The following DYTN variants were observed in gnomAD, a reference collection of about 807,000 sequenced individuals.
DYTN encodes the protein dystrotelin.
Under a neutral mutation model 69.6 loss-of-function variants are expected in DYTN, and 75 were observed. The observed-to-expected ratio is 1.08, with a 90% CI of 0.89 to 1.31. The LOEUF (loss-of-function observed/expected upper bound fraction) is 1.31. Ranked by LOEUF, DYTN falls within the 50% of genes most tolerant of loss-of-function variation. The pLI is 0.00. For synonymous variants in DYTN, 252 were observed against 249.1 expected (o/e 1.01, Z -0.11); for missense variants, 726 against 688.4 (o/e 1.05, Z -0.61).
intron 7 of DYTN, among the ~76,000 whole-genome samples, chr2:206,699,491 T>C (rs1441513379): frequency 1.3e-5 from 2 of 152,116 alleles, no homozygotes; most frequent in East Asian, 3.9e-4. Flanking sequence ...GGAAGAAAAA[T>C]GTCTATTAGT....
chr2:206,671,977 C>T (rs1181839349), intron 9 of DYTN, among the ~76,000 whole-genome samples: 1 of 152,152 alleles, frequency 6.6e-6, no homozygotes, highest in Non-Finnish European at 1.5e-5. Flanking sequence ...GTGCAAGGTT[C>T]TTGGGTTTTA....
chr2:206,686,064 A>G (rs545764206), intron 9 of DYTN, among the ~76,000 whole-genome samples: 1 of 151,678 alleles, frequency 6.6e-6, no homozygotes, highest in East Asian at 1.9e-4. Context: ...CAAACTTCAT[A>G]AGCAATGCCA....
At chr2:206,713,621 G>A (rs1700100283) in intron 1 of DYTN, among the ~76,000 whole-genome samples, 1 of 152,194 alleles carries the variant, frequency 6.6e-6, no homozygotes, top group Admixed American at 6.5e-5. Flanking sequence ...TGGGGTTGAG[G>A]AATAGTGAAG....
intron 9 of DYTN, among the ~76,000 whole-genome samples, chr2:206,682,893 T>A (rs1699765750): frequency 6.6e-6 from 1 of 152,120 alleles, no homozygotes; most frequent in South Asian, 2.1e-4. Flanking sequence ...TTAGTGCAAA[T>A]GCAGGAATAG....
rs200422382 is a variant in DYTN at position 206,699,766 on chromosome 2, C to T, written c.680G>A (p.Arg227Gln). The T allele has an allele frequency of 3.0e-5, 48 of 1,613,704 alleles. No individual in the cohort carries two copies. In the African/African-American group the frequency reaches 5.2e-4, roughly 17 times the overall value. The change falls in exon 7 of 12, where the codon CGG becomes CAG. Residue 227 changes from arginine (R) to glutamine (Q), a missense_variant. Arg to Gln is a conservative substitution (Grantham distance 43). Transcript: ENST00000452335. ...TGGGAAAGTCCTGCAGAGAGTGCAC[C>T]GAGCAGGGTGAGTGACCCTTTCAGC... ...SAAERVTHPA[R>Q]CTLCRTFPIT...
intron 1 of DYTN, among the ~76,000 whole-genome samples, chr2:206,715,411 CCAGCTGCCCGTATATAT>C (rs1439658382): frequency 6.6e-6 from 1 of 152,076 alleles, no homozygotes; most frequent in Non-Finnish European, 1.5e-5. Flanking sequence ...AGGGAGCCCG[CCAGCTGCCCGTATATAT>C]CAGGGCCAGT....
At chr2:206,696,740 A>G (rs1699923678) in intron 7 of DYTN, among the ~76,000 whole-genome samples, 2 of 152,192 alleles carry the variant, frequency 1.3e-5, no homozygotes, top group African/African-American at 4.8e-5. Flanking sequence ...AATAGACCAC[A>G]CTATCCTAGA....
chr2:206,699,636 G>A (rs1699954723), intron 7 of DYTN, 91 bp downstream of exon 7: 7 of 1,442,620 alleles, frequency 4.9e-6, no homozygotes, highest in Middle Eastern at 2.0e-4. Flanking sequence ...GATGTGTAAG[G>A]AGGACCCCAA....
At chr2:206,670,958 T>C (rs1205531879) in intron 9 of DYTN, among the ~76,000 whole-genome samples, 1 of 152,208 alleles carries the variant, frequency 6.6e-6, no homozygotes, top group Non-Finnish European at 1.5e-5. Flanking sequence ...TTTCCTTTGC[T>C]TGCTACCTGC....
At chr2:206,701,329 G>C (rs530986116) in intron 5 of DYTN, 7 of 152,356 alleles carry the variant, frequency 4.6e-5, no homozygotes, top group African/African-American at 1.7e-4. Context: ...TTGTCAAAGA[G>C]ACATCGGCAC....
At chr2:206,666,308 G>T (rs1371274119) in intron 9 of DYTN, among the ~76,000 whole-genome samples, 1 of 152,094 alleles carries the variant, frequency 6.6e-6, no homozygotes, top group Non-Finnish European at 1.5e-5. Context: ...ACACCACCAT[G>T]CCTGGCTATT....
intron 11 of DYTN, among the ~76,000 whole-genome samples, chr2:206,657,328 G>T (rs1036245056): frequency 2.6e-5 from 4 of 151,906 alleles, no homozygotes; most frequent in African/African-American, 7.3e-5. Flanking sequence ...TGTTGCTCAG[G>T]CATACTACCA....
In DYTN at chr2:206,693,458, C is replaced by CTCCT. The variant is rs1699886721; in HGVS notation, c.832-139_832-136dup. 4 of 1,159,390 alleles carry CTCCT rather than the reference C, an allele frequency of 3.5e-6. No individual in the cohort carries two copies. The African/African-American group carries it at 6.2e-5, about 18-fold the overall frequency. The allele number at this position is 1,159,390 out of a possible 1,614,324, so 71.8% of individuals were successfully genotyped here. On this transcript the variant is annotated intron_variant, in intron 8 of 11. Transcript: ENST00000452335. ...TAAGTCCTCAGAAAAATAATCTTAC[C>CTCCT]TCCTTCTTGTCCCTGAATTTCTTCA...
chr2:206,706,290 C>T (rs1700024711), intron 3 of DYTN, among the ~76,000 whole-genome samples: 1 of 152,088 alleles, frequency 6.6e-6, no homozygotes, highest in African/African-American at 2.4e-5. Flanking sequence ...ATCTAGTTCA[C>T]AGGCCCTCAC....
intron 1 of DYTN, among the ~76,000 whole-genome samples, chr2:206,717,043 A>AACACACACAC (rs71852382): frequency 0.013 from 1,934 of 143,782 alleles, 44 homozygotes; most frequent in African/African-American, 0.041. Context: ...TGCCGATGCA[A>AACACACACAC]ACACACACAC....
chr2:206,716,259 A>G, intron 1 of DYTN, among the ~76,000 whole-genome samples: 1 of 152,210 alleles, frequency 6.6e-6, no homozygotes, highest in East Asian at 1.9e-4. Flanking sequence ...ACTGAGTGCC[A>G]GGCACTGTGT....
chr2:206,690,065 C>A (rs1699848810), intron 9 of DYTN, among the ~76,000 whole-genome samples: 1 of 152,142 alleles, frequency 6.6e-6, no homozygotes, highest in Non-Finnish European at 1.5e-5. Flanking sequence ...TGATTAAGTG[C>A]TCTGAAGAAA....
Position 206,666,025 on chromosome 2 carries a change from G to A in DYTN, c.985C>T (p.Leu329Phe), listed in dbSNP as rs754667727. Residue 329 changes from leucine (L) to phenylalanine (F), a missense_variant, in exon 10 of 12, where the codon CTT becomes TTT. Leu to Phe is a conservative substitution (Grantham distance 22, BLOSUM62 0). Coordinates refer to ENST00000452335, the MANE Select transcript of DYTN (RefSeq NM_001093730.1). ...GVPHHAQARL[L>F]KKQLNQYKDK... ...TTGTATTGGTTTAACTGTTTTTTAA[G>A]GAGCCTGAAAAGAGAACAGATTTGA... The A allele has an allele frequency of 5.6e-6, 9 of 1,613,560 alleles. No individual in the cohort carries two copies. The South Asian group carries it at 9.9e-5, about 18-fold the overall frequency.
chr2:206,682,894 G>T (rs1699765767), intron 9 of DYTN, among the ~76,000 whole-genome samples: 1 of 151,988 alleles, frequency 6.6e-6, no homozygotes, highest in Non-Finnish European at 1.5e-5. Context: ...TAGTGCAAAT[G>T]CAGGAATAGA....
Sources: gnomAD v4.1 joint callset for allele counts (sites outside exome capture counted in the v4.1 genomes callset) on GRCh38, gnomAD v4.1.1 for gene constraint, MANE v1.5 for transcripts, NCBI Gene and HGNC (gene_info 2026-07-23, HGNC 2026-07-21) for gene names.